SNRPE: variants seen among roughly 807,000 people sequenced by gnomAD.
The protein encoded by SNRPE is small nuclear ribonucleoprotein E.
For synonymous variants in SNRPE, 35 were observed against 36.7 expected, an observed-to-expected ratio of 0.95 and a Z score of 0.17; for missense variants, 53 against 111.6, an observed-to-expected ratio of 0.48 and a Z score of 2.36.
At chr1:203,866,162 G>T (rs1690084193) in intron 4 of SNRPE, among the ~76,000 whole-genome samples, 1 of 152,186 alleles carries the variant, frequency 6.6e-6, no homozygotes, top group South Asian at 2.1e-4. Flanking sequence ...CGTTGTAGGG[G>T]CTGCTGGCCA....
chr1:203,862,433 T>C (rs377567280), intron 2 of SNRPE, among the ~76,000 whole-genome samples: 4 of 152,334 alleles, frequency 2.6e-5, no homozygotes, highest in African/African-American at 9.6e-5. Context: ...CAAAGAATTG[T>C]ATCCATTACT....
chr1:203,865,596 A>C (rs187901154), intron 4 of SNRPE, among the ~76,000 whole-genome samples: 1 of 152,248 alleles, frequency 6.6e-6, no homozygotes, highest in East Asian at 1.9e-4. Flanking sequence ...CAGAGTCGTC[A>C]AGTTCAGTTC....
intron 4 of SNRPE, 74 bp from the exon 5 acceptor site, chr1:203,869,803 T>C (rs1266835110): frequency 1.9e-6 from 2 of 1,027,648 alleles, no homozygotes; most frequent in East Asian, 2.5e-5. Flanking sequence ...GTTCAAAAAC[T>C]GGATACAAAA....
chr1:203,869,360 G>A (rs1045235191), intron 4 of SNRPE, among the ~76,000 whole-genome samples: 1 of 118,612 alleles, frequency 8.4e-6, no homozygotes, highest in Non-Finnish European at 1.6e-5. Context: ...AGGCTGGAGT[G>A]CAATGGTGCC....
rs976889341 is a variant in SNRPE at position 203,861,834 on chromosome 1, C to T, written c.54+121C>T. On this transcript the variant is annotated intron_variant, in intron 1 of 4. Transcript: ENST00000414487. Reference sequence around the variant, plus strand: ...ATCCACATCCCATGAGCCCCCGGGGCTACCAAGACTGGAAGAAAGCGCGGG... The same window carrying T: ...ATCCACATCCCATGAGCCCCCGGGGTTACCAAGACTGGAAGAAAGCGCGGG... 5 of 802,354 alleles carry T rather than the reference C, an allele frequency of 6.2e-6. No homozygotes were observed. The African/African-American group carries it at 8.4e-5, about 14-fold the overall frequency. 49.7% of individuals were successfully genotyped at this position (802,354 alleles called of 1,614,324 possible).
At position 203,863,740 on chromosome 1, in the gene SNRPE, G is replaced by T; in HGVS notation, c.144+15G>T. The T allele has an allele frequency of 6.5e-7, 1 of 1,543,738 alleles. No individual in the cohort carries two copies. Among genetic ancestry groups the T allele is most frequent in the South Asian group, 1.1e-5 (1 of 89,542 alleles). On this transcript the variant is annotated intron_variant, in intron 3 of 4. Coordinates refer to ENST00000414487, the MANE Select transcript of SNRPE (RefSeq NM_003094.4). ...GCTGTATCATTGTGAGTATCCAGGCGATTTCATCTCATAGCAGTTCGGTCG... is the reference window on the plus strand; with the variant it reads ...GCTGTATCATTGTGAGTATCCAGGCTATTTCATCTCATAGCAGTTCGGTCG...
rs12046659 is a variant in SNRPE, at chr1:203,869,346, G to T, written c.224-531G>T. On this transcript the variant is annotated intron_variant, in intron 4 of 4. Coordinates refer to ENST00000414487, the MANE Select transcript of SNRPE (RefSeq NM_003094.4). ...TTTGGAGATGAATTTTGCTCTTGTT[G>T]CCCAGGCTGGAGTGCAATGGTGCCA... is the stretch of plus-strand genomic sequence containing the variant. 6.8e-3 allele frequency among the ~76,000 whole-genome samples: 628 copies of T among 92,646 alleles called. 28 individuals carry two copies. In the East Asian group the frequency reaches 0.17, roughly 25 times the overall value. 60.8% of individuals were successfully genotyped at this position (92,646 alleles called of 152,430 possible).
chr1:203,864,907 G>A, intron 3 of SNRPE, 134 bp from the exon 4 acceptor site: 1 of 602,858 alleles, frequency 1.7e-6, no homozygotes, highest in African/African-American at 1.9e-5. Flanking sequence ...AAAAACTTTG[G>A]GTGGAAGGTG....
At chr1:203,862,296 A>G (rs943024932) in intron 2 of SNRPE, 74 bp downstream of exon 2, 1 of 1,031,562 alleles carries the variant, frequency 9.7e-7, no homozygotes, top group African/African-American at 1.6e-5. Flanking sequence ...TGTTAACCTG[A>G]GCGATCGCTG....
chr1:203,866,314 A>G (rs1690087449), intron 4 of SNRPE, among the ~76,000 whole-genome samples: 1 of 152,022 alleles, frequency 6.6e-6, no homozygotes, highest in African/African-American at 2.4e-5. Flanking sequence ...TTTATTTTTC[A>G]CTTCTGGCTA....
intron 2 of SNRPE, 42 bp downstream of exon 2, chr1:203,862,264 G>A (rs200297407): frequency 7.9e-5 from 112 of 1,417,416 alleles, no homozygotes; most frequent in Non-Finnish European, 1.4e-5. Flanking sequence ...TTAAATAAGA[G>A]GTGAACTGAT....
intron 2 of SNRPE, among the ~76,000 whole-genome samples, chr1:203,862,912 G>C (rs767208323): frequency 2.0e-5 from 3 of 152,080 alleles, no homozygotes; most frequent in Non-Finnish European, 2.9e-5. Context: ...ACTGCTTTGT[G>C]CTATGCTGTC....
intron 4 of SNRPE, among the ~76,000 whole-genome samples, chr1:203,869,460 C>G (rs917943421): frequency 1.3e-5 from 2 of 151,948 alleles, no homozygotes; most frequent in Non-Finnish European, 2.9e-5. Context: ...GCACGCGCCA[C>G]CAGGCTCTGC....
intron 4 of SNRPE, among the ~76,000 whole-genome samples, chr1:203,867,474 A>G (rs903067003): frequency 2.6e-5 from 4 of 152,170 alleles, no homozygotes; most frequent in African/African-American, 7.2e-5. Context: ...CATCATGTAG[A>G]ATCAGTGGGA....
At chr1:203,864,135 A>G (rs942132134) in intron 3 of SNRPE, among the ~76,000 whole-genome samples, 7 of 151,968 alleles carry the variant, frequency 4.6e-5, no homozygotes, top group Admixed American at 1.3e-4. Context: ...TTTATTTTTT[A>G]TAGAGATGAG....
intron 2 of SNRPE, 82 bp downstream of exon 2, chr1:203,862,304 C>G: frequency 5.1e-6 from 5 of 975,448 alleles, no homozygotes; most frequent in South Asian, 2.6e-5. Context: ...TGAGCGATCG[C>G]TGTGTTCTAG....
At chr1:203,866,926 G>T (rs1690098909) in intron 4 of SNRPE, among the ~76,000 whole-genome samples, 2 of 147,060 alleles carry the variant, frequency 1.4e-5, no homozygotes, top group Admixed American at 1.4e-4. Context: ...CTTTGTATAT[G>T]ATATTCCTTG....
chr1:203,861,759 C>A, intron 1 of SNRPE, 46 bp downstream of exon 1: 1 of 1,432,052 alleles, frequency 7.0e-7, no homozygotes, highest in Non-Finnish European at 9.9e-7. Flanking sequence ...GGTCAGAATA[C>A]GGGGTGCGAA....
At chr1:203,862,259 TAAG>T in intron 2 of SNRPE, 37 bp downstream of exon 2, 1 of 1,468,278 alleles carries the variant, frequency 6.8e-7, no homozygotes, top group Non-Finnish European at 9.6e-7. Context: ...ACTTTTTAAA[TAAG>T]AGGTGAACTG....
Sources: gnomAD v4.1 joint callset for allele counts (sites outside exome capture counted in the v4.1 genomes callset) on GRCh38, gnomAD v4.1.1 for gene constraint, MANE v1.5 for transcripts, NCBI Gene and HGNC (gene_info 2026-07-23, HGNC 2026-07-21) for gene names.